The following UAP1 variants were observed in gnomAD, a reference collection of about 807,000 sequenced individuals.
UAP1 encodes the protein UDP-N-acetylhexosamine pyrophosphorylase.
UAP1 carries 25 observed loss-of-function variants against 58.5 expected under a neutral mutation model. The ratio of observed to expected loss-of-function variants is 0.43; its 90% CI spans 0.31 to 0.60. The LOEUF (loss-of-function observed/expected upper bound fraction) is 0.60. Ranked by LOEUF, UAP1 falls within the 20% of genes least tolerant of loss-of-function variation. The pLI, the probability that UAP1 is intolerant of heterozygous loss-of-function variation, is 0.11. For missense variants in UAP1, 575 were observed against 630.0 expected (o/e 0.91, Z 0.93); for synonymous variants, 208 against 213.0 (o/e 0.98, Z 0.21).
At chr1:162,582,070 C>G (rs1654624517) in intron 5 of UAP1, among the ~76,000 whole-genome samples, 1 of 151,726 alleles carries the variant, frequency 6.6e-6, no homozygotes, top group Non-Finnish European at 1.5e-5. Flanking sequence ...TTTATGGTAG[C>G]AAAAAATATA....
At chr1:162,593,972 A>G (rs1280524639) in intron 9 of UAP1, among the ~76,000 whole-genome samples, 1 of 152,074 alleles carries the variant, frequency 6.6e-6, no homozygotes. Flanking sequence ...GGACTCAAAG[A>G]TCTGATCAAT....
intron 1 of UAP1, among the ~76,000 whole-genome samples, chr1:162,563,080 A>G (rs1454683286): frequency 1.3e-5 from 2 of 152,200 alleles, no homozygotes; most frequent in Non-Finnish European, 2.9e-5. Context: ...CAACTTTTTC[A>G]GATTTCGGTT....
intron 2 of UAP1, among the ~76,000 whole-genome samples, chr1:162,570,042 G>A (rs61811800): frequency 0.088 from 13,430 of 151,984 alleles, 763 homozygotes; most frequent in East Asian, 0.23. Flanking sequence ...CCAGCTACTC[G>A]GGAGGCTGAG....
At chr1:162,588,489 T>A (rs190812430) in intron 6 of UAP1, among the ~76,000 whole-genome samples, 1 of 152,300 alleles carries the variant, frequency 6.6e-6, no homozygotes, top group African/African-American at 2.4e-5. Context: ...TAGTGGAGAC[T>A]GTTATTTGAT....
At chr1:162,566,016 A>G (rs544630221) in exon 2 of UAP1, 11 of 1,533,234 alleles carry the variant, frequency 7.2e-6, no homozygotes, top group South Asian at 1.3e-5. Flanking sequence ...TTTTAGGTTT[A>G]CAGGTACATA....
chr1:162,567,301 A>C (rs985497968), intron 2 of UAP1, among the ~76,000 whole-genome samples: 1 of 152,118 alleles, frequency 6.6e-6, no homozygotes, highest in African/African-American at 2.4e-5. Flanking sequence ...ATAAATTGTA[A>C]ATTCTTGAAG....
Position 162,576,032 on chromosome 1 carries a change from T to C in UAP1, c.281-745T>C, listed in dbSNP as rs79994584. ...TACCATCCCAATCAACATAAGCACA[T>C]TTCCATCACCATACAAAGACTTCTG... On this transcript the variant is annotated intron_variant, in intron 2 of 10. Coordinates refer to ENST00000271469, the Ensembl canonical transcript of UAP1. 2.0e-3 allele frequency among the ~76,000 whole-genome samples: 302 copies of C among 152,276 alleles called. 6 individuals are homozygous for C. In the East Asian group the frequency reaches 0.049, roughly 25 times the overall value.
chr1:162,589,113 T>TA (rs1364802051), intron 7 of UAP1, among the ~76,000 whole-genome samples: 2 of 118,346 alleles, frequency 1.7e-5, no homozygotes, highest in African/African-American at 6.7e-5. Flanking sequence ...ATATATTATA[T>TA]ATATATTTTA....
intron 4 of UAP1, among the ~76,000 whole-genome samples, chr1:162,580,562 CTG>C (rs1654520366): frequency 6.6e-6 from 1 of 152,194 alleles, no homozygotes; most frequent in Admixed American, 6.5e-5. Flanking sequence ...TTATGAGAAT[CTG>C]TACTTGGAGG....
At chr1:162,585,782 G>A (rs1306694673) in intron 5 of UAP1, among the ~76,000 whole-genome samples, 4 of 2,944 alleles carry the variant, frequency 1.4e-3, no homozygotes, top group African/African-American at 2.8e-3. Flanking sequence ...ACCTGTGTGC[G>A]TTAAAAAAAA....
At chr1:162,579,671 T>A in intron 4 of UAP1, 68 bp downstream of exon 4, 1 of 1,290,532 alleles carries the variant, frequency 7.7e-7, no homozygotes, top group Admixed American at 2.5e-5. Flanking sequence ...ATGTTGATTT[T>A]CTTTTTAACA....
chr1:162,563,387 G>A (rs954015569), intron 1 of UAP1, among the ~76,000 whole-genome samples: 2 of 151,358 alleles, frequency 1.3e-5, no homozygotes, highest in Admixed American at 6.6e-5. Flanking sequence ...TTTTTGAGAC[G>A]GAGAGTCTCA....
intron 4 of UAP1, among the ~76,000 whole-genome samples, chr1:162,579,994 A>G (rs1654483815): frequency 6.6e-6 from 1 of 152,102 alleles, no homozygotes; most frequent in Admixed American, 6.6e-5. Flanking sequence ...CCTCCTGAGT[A>G]GCTGGGATTA....
At chr1:162,594,625 A>T (rs1655513908) in intron 9 of UAP1, among the ~76,000 whole-genome samples, 1 of 152,200 alleles carries the variant, frequency 6.6e-6, no homozygotes, top group Non-Finnish European at 1.5e-5. Context: ...AGCTGCTTTT[A>T]TATTTAAGAA....
rs192927077 is a variant in UAP1 at position 162,562,040 on chromosome 1, G to T, written c.-58+263G>T. The stretch of plus-strand genomic sequence containing the variant: ...TGGGCTGGGCAGCCGGGTGGATGGC[G>T]GGGCCAGGGATGGAATGAGCGCGCC... On this transcript the variant is annotated intron_variant, in intron 1 of 10. Coordinates refer to ENST00000271469, the Ensembl canonical transcript of UAP1. 3.9e-3 allele frequency among the ~76,000 whole-genome samples: 587 copies of T among 152,338 alleles called. 3 individuals are homozygous for T. The highest frequency in any genetic ancestry group is 0.013 in the African/African-American group (544 of 41,578).
chr1:162,598,007 G>T, intron 10 of UAP1, 149 bp downstream of exon 10: 1 of 661,874 alleles, frequency 1.5e-6, no homozygotes. Flanking sequence ...TTGATTATTC[G>T]ACAGTGTATA....
rs554168221 is a variant in UAP1, at chr1:162,579,215, T to G, written c.486-213T>G. On this transcript the variant is annotated intron_variant, in intron 3 of 10. Transcript: ENST00000271469. ...AGTATGTTTAATATTGTAAGTAGAT[T>G]TATTTCATACGTAAGAGTTGATGAA... 4.6e-5 allele frequency among the ~76,000 whole-genome samples: 7 copies of G among 152,366 alleles called. No homozygotes were observed. In the South Asian group the frequency reaches 1.4e-3, roughly 32 times the overall value.
At chr1:162,573,930 C>G (rs1479181678) in intron 2 of UAP1, among the ~76,000 whole-genome samples, 1 of 151,434 alleles carries the variant, frequency 6.6e-6, no homozygotes, top group Admixed American at 6.6e-5. Flanking sequence ...TGCCACTGCA[C>G]TCCAGCCTGG....
chr1:162,592,649 A>C, intron 8 of UAP1, 83 bp from the exon 9 acceptor site: 7 of 1,015,486 alleles, frequency 6.9e-6, no homozygotes, highest in Non-Finnish European at 7.6e-6. Context: ...ATACCATTCA[A>C]TCAAGTATAT....
Sources: gnomAD v4.1 joint callset for allele counts (sites outside exome capture counted in the v4.1 genomes callset) on GRCh38, gnomAD v4.1.1 for gene constraint, MANE v1.5 for transcripts, NCBI Gene and HGNC (gene_info 2026-07-23, HGNC 2026-07-21) for gene names.